NALF1: variants seen among roughly 807,000 people sequenced by gnomAD.
NALF1 encodes NALCN channel auxiliary factor 1, also known as family with sequence similarity 155 member A.
A neutral mutation model predicts 48.4 loss-of-function variants in NALF1; 3 were observed. The observed-to-expected ratio is 0.06, with a 90% confidence interval of 0.03 to 0.16. The LOEUF is 0.16. Ranked by LOEUF, NALF1 falls within the 10% of genes least tolerant of loss-of-function variation. The pLI is 1.00. For synonymous variants in NALF1, 262 were observed against 245.7 expected (o/e 1.07, Z -0.62); for missense variants, 526 against 571.5 (o/e 0.92, Z 0.81).
chr13:107,785,706 A>G (rs918537981), intron 1 of NALF1, among the ~76,000 whole-genome samples: 2 of 152,218 alleles, frequency 1.3e-5, no homozygotes, highest in African/African-American at 4.8e-5. Flanking sequence ...GATAAAAAAG[A>G]GATTGCTCCA....
At position 107,294,187 on chromosome 13, in the gene NALF1, G is replaced by C. The variant is rs574456161; in HGVS notation, c.916-83432C>G. On this transcript the variant is annotated intron_variant, in intron 1 of 2. Transcript: ENST00000375915. ...AGTCAAGGAACATAGGGAAAGGAGGGACAAAGGAGAAGAATGCTGCTTCAG... is the reference window on the plus strand; with the variant it reads ...AGTCAAGGAACATAGGGAAAGGAGGCACAAAGGAGAAGAATGCTGCTTCAG... Among the ~76,000 whole-genome samples, 18 of 152,266 alleles carry C rather than the reference G, an allele frequency of 1.2e-4. No individual in the cohort carries two copies. In the Middle Eastern group the frequency reaches 0.014, roughly 115 times the overall value.
At chr13:107,339,138 GAAAAAAA>G (rs3072810) in intron 1 of NALF1, among the ~76,000 whole-genome samples, 1 of 121,176 alleles carries the variant, frequency 8.3e-6, no homozygotes. Flanking sequence ...TGTCTCAGAA[GAAAAAAA>G]AAAAAAAAAA....
chr13:107,748,970 T>C (rs1416830305), intron 1 of NALF1, among the ~76,000 whole-genome samples: 1 of 152,086 alleles, frequency 6.6e-6, no homozygotes, highest in Non-Finnish European at 1.5e-5. Flanking sequence ...AGGCTGGTAA[T>C]GTTGGAATAA....
At chr13:107,822,439 T>C (rs1879387444) in intron 1 of NALF1, among the ~76,000 whole-genome samples, 1 of 152,206 alleles carries the variant, frequency 6.6e-6, no homozygotes, top group Non-Finnish European at 1.5e-5. Flanking sequence ...GAGAACTTTT[T>C]AGAAATGGAA....
At chr13:107,628,423 A>G (rs761846214) in intron 1 of NALF1, among the ~76,000 whole-genome samples, 3 of 152,048 alleles carry the variant, frequency 2.0e-5, no homozygotes, top group African/African-American at 7.2e-5. Flanking sequence ...ATTTCCTTCA[A>G]GGAGAATGCC....
At chr13:107,552,545 T>C (rs1450307992) in intron 1 of NALF1, among the ~76,000 whole-genome samples, 7 of 152,118 alleles carry the variant, frequency 4.6e-5, no homozygotes, top group Admixed American at 3.9e-4. Context: ...AAACACACAC[T>C]GGACTCATTT....
intron 1 of NALF1, among the ~76,000 whole-genome samples, chr13:107,211,096 CTA>C (rs1334834430): frequency 6.6e-6 from 1 of 152,182 alleles, no homozygotes; most frequent in Non-Finnish European, 1.5e-5. Flanking sequence ...ATAATTGACT[CTA>C]TTGCTCTTCT....
At chr13:107,282,237 G>C (rs1881402740) in intron 1 of NALF1, among the ~76,000 whole-genome samples, 1 of 152,172 alleles carries the variant, frequency 6.6e-6, no homozygotes, top group African/African-American at 2.4e-5. Context: ...CAGACTTTGA[G>C]GTCAGGTCTA....
chr13:107,808,684 A>T (rs1220351222), intron 1 of NALF1, among the ~76,000 whole-genome samples: 5 of 149,908 alleles, frequency 3.3e-5, no homozygotes. Context: ...AAAAAAAAAA[A>T]ATGACTGCTT....
intron 1 of NALF1, among the ~76,000 whole-genome samples, chr13:107,282,461 G>A (rs1028082112): frequency 1.3e-5 from 2 of 152,166 alleles, no homozygotes; most frequent in African/African-American, 4.8e-5. Flanking sequence ...TATTGGCATG[G>A]TAGCCAGCCC....
rs76155582 is a variant in NALF1, at chr13:107,729,045, C to T, written c.915+136637G>A. 1.8e-3 allele frequency among the ~76,000 whole-genome samples: 272 copies of T among 152,210 alleles called. 2 individuals carry two copies. Among genetic ancestry groups the T allele is most frequent in the African/African-American group, 6.3e-3 (261 of 41,496 alleles). On this transcript the variant is annotated intron_variant, in intron 1 of 2. Transcript: ENST00000375915. The stretch of plus-strand genomic sequence containing the variant: ...TTAAATAACTTTTTAGGGGAAGCAG[C>T]GAATAGCCTTTGAGGAGAAAATATT...
chr13:107,613,641 C>T (rs1316423124), intron 1 of NALF1, among the ~76,000 whole-genome samples: 1 of 152,196 alleles, frequency 6.6e-6, no homozygotes, highest in Non-Finnish European at 1.5e-5. Context: ...AAAAACAAAT[C>T]ACTACTTTAT....
In NALF1 at chr13:107,168,680, T is replaced by C. The variant is rs1022628988; in HGVS notation, c.*1817A>G. On this transcript the variant is annotated 3_prime_UTR_variant, in exon 3 of 3. Transcript: ENST00000375915. ...TAGCAATTTTATTAAGCAATACCTT[T>C]ATTATTTTTGAATATTCTTAACAGA... The C allele has an allele frequency of 6.6e-6, 1 of 152,666 alleles. No homozygotes were observed. Among genetic ancestry groups the C allele is most frequent in the Admixed American group, 6.5e-5 (1 of 15,284 alleles). The allele number at this position is 152,666 out of a possible 1,614,324, so 9.5% of individuals were successfully genotyped here.
At chr13:107,552,928 CATTA>C (rs1283725403) in intron 1 of NALF1, among the ~76,000 whole-genome samples, 2 of 151,890 alleles carry the variant, frequency 1.3e-5, no homozygotes, top group Non-Finnish European at 1.5e-5. Context: ...TGTATAAACC[CATTA>C]ATTTTCTCTT....
In NALF1 at chr13:107,167,754, G is replaced by GT. The variant is rs374875278; in HGVS notation, c.*2742dup. 4.7e-4 allele frequency: 39 copies of GT among 82,768 alleles called. No individual in the cohort carries two copies. The highest frequency in any genetic ancestry group is 1.9e-3 in the East Asian group (6 of 3,220). The allele number at this position is 82,768 out of a possible 1,614,324, so 5.1% of individuals were successfully genotyped here. A position where few individuals can be genotyped will look rare whatever the true frequency, so the allele number is the denominator to read the frequency against. The stretch of plus-strand genomic sequence containing the variant: ...TGTTTCTCCCAACTTTCAAAGCTGT[G>GT]TTTTTTTTTGGGGGGTGGGGGGCAG... On this transcript the variant is annotated 3_prime_UTR_variant, in exon 3 of 3. Coordinates refer to ENST00000375915, the MANE Select transcript of NALF1 (RefSeq NM_001080396.3).
intron 1 of NALF1, among the ~76,000 whole-genome samples, chr13:107,270,776 T>C (rs1881146792): frequency 6.6e-6 from 1 of 151,782 alleles, no homozygotes; most frequent in South Asian, 2.1e-4. Context: ...AACTCGTCAT[T>C]TAGCATTAGG....
chr13:107,595,432 G>C (rs967916406), intron 1 of NALF1, among the ~76,000 whole-genome samples: 1 of 152,020 alleles, frequency 6.6e-6, no homozygotes, highest in Non-Finnish European at 1.5e-5. Context: ...GATGGCACTA[G>C]AAACACAGTG....
intron 1 of NALF1, among the ~76,000 whole-genome samples, chr13:107,451,994 C>T (rs1360592352): frequency 1.3e-5 from 2 of 151,946 alleles, no homozygotes; most frequent in East Asian, 1.9e-4. Flanking sequence ...GATTTTTTTT[C>T]TCTCCCTCTC....
chr13:107,607,239 T>C (rs1270155081), intron 1 of NALF1, among the ~76,000 whole-genome samples: 2 of 151,968 alleles, frequency 1.3e-5, no homozygotes, highest in Admixed American at 6.5e-5. Context: ...AAAATAAGAG[T>C]ACTGCATAGT....
Sources: gnomAD v4.1 joint callset for allele counts (sites outside exome capture counted in the v4.1 genomes callset) on GRCh38, gnomAD v4.1.1 for gene constraint, MANE v1.5 for transcripts, NCBI Gene and HGNC (gene_info 2026-07-23, HGNC 2026-07-21) for gene names.